The following HMBOX1 variants were observed in gnomAD, a reference collection of about 807,000 sequenced individuals.
The protein encoded by HMBOX1 is homeobox containing 1, also known as homeobox-containing protein 1.
In HMBOX1, 14 loss-of-function variants were observed where a neutral mutation model predicts 54.5. That is an observed-to-expected ratio of 0.26 (90% CI 0.17 to 0.40). HMBOX1 has a LOEUF of 0.40. HMBOX1 is among the 10% of genes least tolerant of loss of function. The pLI, the probability that HMBOX1 is intolerant of heterozygous loss-of-function variation, is 1.00. For synonymous variants in HMBOX1, 160 were observed against 181.0 expected, an observed-to-expected ratio of 0.88 and a Z score of 0.93; for missense variants, 332 against 514.4, an observed-to-expected ratio of 0.65 and a Z score of 3.43.
intron 6 of HMBOX1, among the ~76,000 whole-genome samples, chr8:29,029,016 T>C (rs1802497906): frequency 6.6e-6 from 1 of 152,210 alleles, no homozygotes; most frequent in South Asian, 2.1e-4. Flanking sequence ...TTTTTTCTTC[T>C]TGTTTGCTTT....
chr8:28,926,318 C>CAG (rs1265315585), intron 1 of HMBOX1, among the ~76,000 whole-genome samples: 1 of 151,160 alleles, frequency 6.6e-6, no homozygotes, highest in Non-Finnish European at 1.5e-5. Context: ...CACACACACA[C>CAG]ACACATATAT....
At chr8:28,932,352 T>C (rs1176651590) in intron 1 of HMBOX1, among the ~76,000 whole-genome samples, 1 of 152,226 alleles carries the variant, frequency 6.6e-6, no homozygotes, top group Non-Finnish European at 1.5e-5. Context: ...ATTTGAGTTA[T>C]GGTTGAAGGG....
chr8:28,911,516 C>T (rs1815423782), intron 1 of HMBOX1, among the ~76,000 whole-genome samples: 1 of 152,054 alleles, frequency 6.6e-6, no homozygotes, highest in Non-Finnish European at 1.5e-5. Flanking sequence ...CCACCATGCC[C>T]TGCTAATTTT....
chr8:29,013,743 G>A (rs1384983423), intron 5 of HMBOX1, among the ~76,000 whole-genome samples: 1 of 152,202 alleles, frequency 6.6e-6, no homozygotes, highest in Non-Finnish European at 1.5e-5. Context: ...AAAAAAGTGA[G>A]TGCTAAATTC....
intron 1 of HMBOX1, chr8:28,955,984 G>A (rs1309994644): frequency 6.7e-6 from 1 of 149,224 alleles, no homozygotes; most frequent in African/African-American, 2.5e-5. Flanking sequence ...TTGGAAAGTA[G>A]GACGTTCTTG....
At chr8:29,042,846 T>C (rs1805046624) in intron 6 of HMBOX1, 10 of 346,152 alleles carry the variant, frequency 2.9e-5, no homozygotes, top group South Asian at 2.3e-4. Context: ...AAACAGAGAT[T>C]GTTTTTGTTT....
At chr8:28,912,690 T>G (rs779458891) in intron 1 of HMBOX1, among the ~76,000 whole-genome samples, 2 of 152,192 alleles carry the variant, frequency 1.3e-5, no homozygotes, top group East Asian at 3.8e-4. Flanking sequence ...AGGCTGCTTC[T>G]TGCCCTTCAA....
intron 4 of HMBOX1, among the ~76,000 whole-genome samples, chr8:28,988,072 GCAGT>G (rs1391025948): frequency 5.9e-5 from 9 of 152,132 alleles, no homozygotes; most frequent in African/African-American, 2.2e-4. Context: ...ATGCATCTGT[GCAGT>G]CAAATATTGT....
intron 4 of HMBOX1, among the ~76,000 whole-genome samples, chr8:28,996,413 T>G (rs1831849901): frequency 6.6e-6 from 1 of 152,100 alleles, no homozygotes; most frequent in East Asian, 1.9e-4. Context: ...TGTTTTTGGG[T>G]TGTCTTTTCA....
chr8:28,955,338 A>G (rs1824220504), intron 1 of HMBOX1, among the ~76,000 whole-genome samples: 2 of 151,562 alleles, frequency 1.3e-5, no homozygotes. Flanking sequence ...CAGTTCCTTT[A>G]CGTGTTGCCC....
At position 28,919,971 on chromosome 8, in the gene HMBOX1, TTGTGTG is replaced by T. The variant is rs5890431; in HGVS notation, c.-58+29319_-58+29324del. ...AATATTATAAAGAACAAGTGAAGTT[TTGTGTG>T]TGTGTGTGTGTGTGTGTGTGTGTGT... is the stretch of plus-strand genomic sequence containing the variant. On this transcript the variant is annotated intron_variant, in intron 1 of 9. Transcript: ENST00000287701. Among the ~76,000 whole-genome samples, 1,096 of 148,604 alleles carry T rather than the reference TTGTGTG, an allele frequency of 7.4e-3. 7 individuals are homozygous for T. The highest frequency in any genetic ancestry group is 0.022 in the African/African-American group (895 of 40,614).
intron 1 of HMBOX1, among the ~76,000 whole-genome samples, chr8:28,944,227 C>A (rs1417531684): frequency 6.6e-6 from 1 of 152,188 alleles, no homozygotes; most frequent in Non-Finnish European, 1.5e-5. Flanking sequence ...GATTCGAATA[C>A]TGCATTTGTG....
intron 6 of HMBOX1, among the ~76,000 whole-genome samples, chr8:29,019,774 G>A (rs186946637): frequency 3.2e-4 from 48 of 152,272 alleles, no homozygotes; most frequent in Middle Eastern, 3.4e-3. Flanking sequence ...TAGCCAATAT[G>A]TCATCTAAGA....
intron 1 of HMBOX1, among the ~76,000 whole-genome samples, chr8:28,903,322 A>G (rs1167180882): frequency 6.6e-6 from 1 of 152,078 alleles, no homozygotes; most frequent in African/African-American, 2.4e-5. Context: ...AATCCTCTTC[A>G]CTCTTGATTT....
At chr8:28,938,895 G>T (rs1820856437) in intron 1 of HMBOX1, among the ~76,000 whole-genome samples, 1 of 152,146 alleles carries the variant, frequency 6.6e-6, no homozygotes. Context: ...GGGGGCTCAG[G>T]CCTGCAATCC....
intron 1 of HMBOX1, among the ~76,000 whole-genome samples, chr8:28,960,734 G>T (rs1401394096): frequency 1.2e-5 from 1 of 83,380 alleles, no homozygotes; most frequent in Admixed American, 1.3e-4. Context: ...TTTTATAATT[G>T]TAAACTTATT....
intron 1 of HMBOX1, among the ~76,000 whole-genome samples, chr8:28,924,450 AT>A (rs201997388): frequency 0.35 from 44,947 of 127,778 alleles, 7,093 homozygotes; most frequent in Middle Eastern, 0.44. Flanking sequence ...AATTTATCTA[AT>A]TTTTTTTTTT....
intron 5 of HMBOX1, among the ~76,000 whole-genome samples, chr8:29,017,276 C>A (rs564685769): frequency 6.6e-6 from 1 of 152,294 alleles, no homozygotes; most frequent in South Asian, 2.1e-4. Flanking sequence ...TCCCCCAGAG[C>A]CAGCATTTTA....
intron 1 of HMBOX1, among the ~76,000 whole-genome samples, chr8:28,947,500 T>G (rs1377892317): frequency 6.6e-6 from 1 of 152,212 alleles, no homozygotes; most frequent in Non-Finnish European, 1.5e-5. Flanking sequence ...ACCTAGTAAA[T>G]TGACTGATGA....
Sources: gnomAD v4.1 joint callset for allele counts (sites outside exome capture counted in the v4.1 genomes callset) on GRCh38, gnomAD v4.1.1 for gene constraint, MANE v1.5 for transcripts, NCBI Gene and HGNC (gene_info 2026-07-23, HGNC 2026-07-21) for gene names.